The following SCN11A variants were observed in gnomAD, a reference collection of about 807,000 sequenced individuals.
The protein encoded by SCN11A is sodium channel protein type 11 subunit alpha.
Under a neutral mutation model 162.2 loss-of-function variants are expected in SCN11A, and 122 were observed. The ratio of observed to expected loss-of-function variants is 0.75; its 90% CI spans 0.65 to 0.87. The LOEUF is 0.87. Ranked by LOEUF, SCN11A falls within the 40% of genes least tolerant of loss-of-function variation. SCN11A has a pLI of 0.00. For synonymous variants in SCN11A, 758 were observed against 751.5 expected (o/e 1.01, Z -0.14); for missense variants, 2,015 against 2,181.6 (o/e 0.92, Z 1.52).
At chr3:38,855,528 T>C (rs2064853820) in intron 28 of SCN11A, among the ~76,000 whole-genome samples, 1 of 152,098 alleles carries the variant, frequency 6.6e-6, no homozygotes, top group Non-Finnish European at 1.5e-5. Context: ...CCTGGCCAAC[T>C]TAGGGCAAGC....
intron 28 of SCN11A, among the ~76,000 whole-genome samples, chr3:38,856,987 T>TC (rs2064880725): frequency 8.8e-6 from 1 of 113,504 alleles, no homozygotes; most frequent in African/African-American, 3.4e-5. Flanking sequence ...TATTTTAAAT[T>TC]TAAAAAACAC....
rs2064989894 is a variant in SCN11A, at chr3:38,863,100, A to C, written c.4056+95T>G. The C allele has an allele frequency of 6.4e-6, 5 of 779,200 alleles. No individual in the cohort carries two copies. In the South Asian group the frequency reaches 7.7e-5, roughly 12 times the overall value. The allele number at this position is 779,200 out of a possible 1,614,324, so 48.3% of individuals were successfully genotyped here. A position where few individuals can be genotyped will look rare whatever the true frequency, so the allele number is the denominator to read the frequency against. On this transcript the variant is annotated intron_variant, in intron 28 of 29. Transcript: ENST00000302328. ...TCTGTTGAGTCCTTAATGTCTGCAA[A>C]TTTTAAGAATAAAGAAGGATGGCAT...
chr3:38,966,019 T>C (rs987712729), intron 2 of SCN11A, among the ~76,000 whole-genome samples: 1 of 152,184 alleles, frequency 6.6e-6, no homozygotes, highest in Non-Finnish European at 1.5e-5. Context: ...AGGATGATTA[T>C]GCAAGTTGTT....
At chr3:38,923,848 G>C (rs746973154) in intron 9 of SCN11A, among the ~76,000 whole-genome samples, 1 of 152,146 alleles carries the variant, frequency 6.6e-6, no homozygotes, top group Non-Finnish European at 1.5e-5. Context: ...GCTCAAGTTT[G>C]ATGTCTGAGA....
chr3:39,047,169 A>G (rs1291039864), intron 1 of SCN11A, among the ~76,000 whole-genome samples: 4 of 149,528 alleles, frequency 2.7e-5, no homozygotes, highest in Non-Finnish European at 1.5e-5. Context: ...TCCTGGGCTT[A>G]AGCAATCCTC....
At chr3:38,950,057 ACCCCCACCC>A in intron 5 of SCN11A, 30 bp downstream of exon 5, 17 of 100,336 alleles carry the variant, frequency 1.7e-4, no homozygotes, top group East Asian at 2.5e-4. Context: ...TGGTTAGAAC[ACCCCCACCC>A]CCACCCCCCC....
intron 1 of SCN11A, among the ~76,000 whole-genome samples, chr3:39,038,869 A>G (rs1369447588): frequency 6.6e-6 from 1 of 152,226 alleles, no homozygotes; most frequent in African/African-American, 2.4e-5. Context: ...AAACAAGATG[A>G]CAACTCTCAT....
intron 2 of SCN11A, among the ~76,000 whole-genome samples, chr3:38,971,503 A>G (rs945036980): frequency 2.6e-5 from 4 of 152,176 alleles, no homozygotes; most frequent in Admixed American, 2.6e-4. Flanking sequence ...CCCCGCACTC[A>G]TGCCAGAGAC....
At chr3:39,002,799 C>A (rs2030856627) in intron 2 of SCN11A, among the ~76,000 whole-genome samples, 1 of 152,148 alleles carries the variant, frequency 6.6e-6, no homozygotes, top group East Asian at 1.9e-4. Context: ...TCTGCCTCTG[C>A]CAAAGAGAAA....
At position 38,953,677 on chromosome 3, in the gene SCN11A, A is replaced by G. The variant is rs1462915460; in HGVS notation, c.-56T>C. 6.6e-6 allele frequency among the ~76,000 whole-genome samples: 1 copy of G among 152,142 alleles called. No homozygotes were observed. On this transcript the variant is annotated 5_prime_UTR_variant, in exon 4 of 30. Coordinates refer to ENST00000302328, the MANE Select transcript of SCN11A (RefSeq NM_001349253.2). ...GAGAGGACAGTGTGGCCACTCACTGAGACAGAGAGTGCAAGAAAAGGAGGG... is the reference window on the plus strand; with the variant it reads ...GAGAGGACAGTGTGGCCACTCACTGGGACAGAGAGTGCAAGAAAAGGAGGG...
intron 6 of SCN11A, 85 bp from the exon 7 acceptor site, chr3:38,945,597 T>G: frequency 1.3e-6 from 1 of 789,800 alleles, no homozygotes; most frequent in Admixed American, 3.1e-5. Context: ...CCCCTGATGG[T>G]CCCCTTTTCT....
intron 2 of SCN11A, among the ~76,000 whole-genome samples, chr3:38,997,358 G>A (rs993174979): frequency 2.0e-4 from 31 of 152,094 alleles, no homozygotes; most frequent in African/African-American, 3.6e-4. Flanking sequence ...TGGAGTACTC[G>A]TCCCCAGATG....
chr3:38,969,524 G>A (rs1448070815), intron 2 of SCN11A, among the ~76,000 whole-genome samples: 1 of 152,178 alleles, frequency 6.6e-6, no homozygotes, highest in Non-Finnish European at 1.5e-5. Flanking sequence ...AAACACACAT[G>A]CCTGACCTGG....
intron 28 of SCN11A, among the ~76,000 whole-genome samples, chr3:38,861,577 C>T (rs760469720): frequency 4.0e-5 from 6 of 151,888 alleles, no homozygotes; most frequent in South Asian, 2.1e-4. Flanking sequence ...AGAGAACCCC[C>T]CAAAAAAGCC....
chr3:39,025,178 A>G (rs1449264333), intron 2 of SCN11A, among the ~76,000 whole-genome samples: 2 of 151,910 alleles, frequency 1.3e-5, no homozygotes, highest in African/African-American at 4.8e-5. Flanking sequence ...ACTTCAAGAG[A>G]GGAGGGGTGG....
At chr3:38,938,524 ATATAT>A (rs1484536513) in intron 7 of SCN11A, among the ~76,000 whole-genome samples, 21 of 16,230 alleles carry the variant, frequency 1.3e-3, no homozygotes, top group African/African-American at 5.2e-3. Flanking sequence ...ATATATATAT[ATATAT>A]ATATATATAT....
At chr3:39,023,556 T>G (rs1290372076) in intron 2 of SCN11A, among the ~76,000 whole-genome samples, 15 of 152,116 alleles carry the variant, frequency 9.9e-5, no homozygotes, top group Admixed American at 9.8e-4. Context: ...AAATAATATA[T>G]GCTTATGGCA....
intron 7 of SCN11A, among the ~76,000 whole-genome samples, chr3:38,929,155 A>T (rs2066197637): frequency 7.8e-6 from 1 of 128,704 alleles, no homozygotes; most frequent in Non-Finnish European, 1.8e-5. Flanking sequence ...ACACACACAC[A>T]CACACACACA....
At chr3:38,852,362 A>G (rs1364892233) in intron 28 of SCN11A, among the ~76,000 whole-genome samples, 1 of 152,194 alleles carries the variant, frequency 6.6e-6, no homozygotes, top group Non-Finnish European at 1.5e-5. Flanking sequence ...GGTGCACTCC[A>G]GGGAAGCGGA....
Sources: gnomAD v4.1 joint callset for allele counts (sites outside exome capture counted in the v4.1 genomes callset) on GRCh38, gnomAD v4.1.1 for gene constraint, MANE v1.5 for transcripts, NCBI Gene and HGNC (gene_info 2026-07-23, HGNC 2026-07-21) for gene names.